LUZP2: variants seen among roughly 807,000 people sequenced by gnomAD.
LUZP2 encodes the protein leucine zipper protein 2.
In LUZP2, 52 loss-of-function variants were observed where a neutral mutation model predicts 51.6. The ratio of observed to expected loss-of-function variants is 1.01; its 90% CI spans 0.81 to 1.27. The LOEUF (loss-of-function observed/expected upper bound fraction) is 1.27. Ranked by LOEUF, LUZP2 falls within the 50% of genes most tolerant of loss-of-function variation. The pLI is 0.00. For synonymous variants in LUZP2, 154 were observed against 137.3 expected (o/e 1.12, Z -0.85); for missense variants, 436 against 395.4 (o/e 1.10, Z -0.87).
At chr11:25,002,802 G>C (rs1856725573) in intron 9 of LUZP2, among the ~76,000 whole-genome samples, 2 of 152,062 alleles carry the variant, frequency 1.3e-5, no homozygotes, top group African/African-American at 4.8e-5. Context: ...GCTTATAGTA[G>C]GGCCTTCTTT....
intron 5 of LUZP2, among the ~76,000 whole-genome samples, chr11:24,879,223 C>A (rs1027297223): frequency 6.6e-6 from 1 of 152,222 alleles, no homozygotes; most frequent in Non-Finnish European, 1.5e-5. Context: ...GGATTACAGG[C>A]GTGAGGCACC....
At chr11:24,581,531 TGTG>T (rs10577273) in intron 1 of LUZP2, among the ~76,000 whole-genome samples, 62,286 of 151,250 alleles carry the variant, frequency 0.41, 14,022 homozygotes, top group East Asian at 0.5. Flanking sequence ...ATTACCCAGG[TGTG>T]GTGGCGCTCT....
intron 1 of LUZP2, among the ~76,000 whole-genome samples, chr11:24,521,800 T>C (rs1850651278): frequency 6.6e-6 from 1 of 152,138 alleles, no homozygotes. Context: ...GTCATATCCA[T>C]TGAATACCAG....
chr11:24,545,815 C>A (rs1052351146), intron 1 of LUZP2, among the ~76,000 whole-genome samples: 3 of 152,006 alleles, frequency 2.0e-5, no homozygotes, highest in East Asian at 3.9e-4. Flanking sequence ...ATTTCTAATT[C>A]TATGAAGAAT....
At chr11:24,867,902 G>T (rs1421780282) in intron 5 of LUZP2, among the ~76,000 whole-genome samples, 1 of 152,142 alleles carries the variant, frequency 6.6e-6, no homozygotes. Flanking sequence ...CAGTACTGAT[G>T]TAAACATTTG....
chr11:25,036,395 A>T (rs1173695531), intron 9 of LUZP2, among the ~76,000 whole-genome samples: 1 of 152,012 alleles, frequency 6.6e-6, no homozygotes, highest in East Asian at 1.9e-4. Flanking sequence ...TGGTCTACCA[A>T]TCATATTCAT....
intron 1 of LUZP2, among the ~76,000 whole-genome samples, chr11:24,620,475 C>T (rs1854457322): frequency 1.3e-5 from 2 of 152,076 alleles, no homozygotes; most frequent in Admixed American, 6.6e-5. Context: ...ATATTTGCAC[C>T]TGAGGAAAAT....
intron 9 of LUZP2, among the ~76,000 whole-genome samples, chr11:24,986,383 C>G (rs1395282406): frequency 6.6e-6 from 1 of 151,516 alleles, no homozygotes; most frequent in Non-Finnish European, 1.5e-5. Flanking sequence ...AGTGGAAATA[C>G]TATATAATAG....
At chr11:25,017,331 A>G (rs1042496910) in intron 9 of LUZP2, among the ~76,000 whole-genome samples, 1 of 152,128 alleles carries the variant, frequency 6.6e-6, no homozygotes, top group Non-Finnish European at 1.5e-5. Flanking sequence ...GGACTTAGTC[A>G]TAAATTCTTT....
In LUZP2 at chr11:24,872,560, T is replaced by C. The variant is rs116719036; in HGVS notation, c.397-33431T>C. ...TTCAATAGTCCTCTCTTCCTGTGTG[T>C]TTTCATCCACCATTTTAAACTCAAC... On this transcript the variant is annotated intron_variant, in intron 5 of 11. Coordinates refer to ENST00000336930, the MANE Select transcript of LUZP2 (RefSeq NM_001009909.4). Among the ~76,000 whole-genome samples, 553 of 152,266 alleles carry C rather than the reference T, an allele frequency of 3.6e-3. 2 individuals carry two copies. The highest frequency in any genetic ancestry group is 0.013 in the African/African-American group (532 of 41,564).
intron 9 of LUZP2, among the ~76,000 whole-genome samples, chr11:25,006,698 G>T (rs1481592624): frequency 6.6e-6 from 1 of 152,176 alleles, no homozygotes; most frequent in African/African-American, 2.4e-5. Context: ...ATAGTCGATA[G>T]TCCCATCTGG....
chr11:24,574,978 G>A (rs1852595643), intron 1 of LUZP2, among the ~76,000 whole-genome samples: 1 of 152,106 alleles, frequency 6.6e-6, no homozygotes, highest in East Asian at 1.9e-4. Flanking sequence ...GTCAATTTGA[G>A]GGGAGAGTTG....
intron 10 of LUZP2, among the ~76,000 whole-genome samples, chr11:25,051,509 G>C (rs75741509): frequency 0.052 from 7,972 of 152,224 alleles, 619 homozygotes; most frequent in African/African-American, 0.17. Context: ...TTTTACTATA[G>C]TTTGAAGCAC....
chr11:24,825,820 G>T (rs1004754915), intron 5 of LUZP2, among the ~76,000 whole-genome samples: 34 of 151,892 alleles, frequency 2.2e-4, no homozygotes. Flanking sequence ...TTTTCAAATA[G>T]ATTCCATTTT....
chr11:25,027,879 A>AG (rs200477481), intron 9 of LUZP2, among the ~76,000 whole-genome samples: 1 of 125,146 alleles, frequency 8.0e-6, no homozygotes, highest in African/African-American at 4.8e-5. Flanking sequence ...CAAAAAAAAA[A>AG]AAAAAGGTGT....
chr11:24,641,547 C>T (rs1046620954), intron 1 of LUZP2, among the ~76,000 whole-genome samples: 3 of 151,850 alleles, frequency 2.0e-5, no homozygotes, highest in Non-Finnish European at 4.4e-5. Context: ...AAAGGTACCT[C>T]ATCTAAATTG....
chr11:25,017,038 T>G (rs1037174656), intron 9 of LUZP2, among the ~76,000 whole-genome samples: 6 of 152,148 alleles, frequency 3.9e-5, no homozygotes, highest in Non-Finnish European at 7.4e-5. Flanking sequence ...TGCTGAGGAT[T>G]TTTGCATATG....
chr11:24,840,457 C>T (rs1850994018), intron 5 of LUZP2, among the ~76,000 whole-genome samples: 2 of 151,802 alleles, frequency 1.3e-5, no homozygotes, highest in Non-Finnish European at 2.9e-5. Context: ...ATATACCATG[C>T]TGATGGTCCT....
At chr11:24,773,221 C>T (rs1482211590) in intron 5 of LUZP2, among the ~76,000 whole-genome samples, 1 of 148,840 alleles carries the variant, frequency 6.7e-6, no homozygotes, top group African/African-American at 2.6e-5. Context: ...TTACTTAATT[C>T]CAATATTGTC....
Sources: allele counts gnomAD v4.1 joint callset (sites outside exome capture counted in the v4.1 genomes callset), GRCh38; gene constraint gnomAD v4.1.1; transcripts MANE v1.5; gene names NCBI Gene and HGNC (gene_info 2026-07-23, HGNC 2026-07-21).